RIMKLB: variants seen among roughly 807,000 people sequenced by gnomAD.
RIMKLB encodes the protein beta-citrylglutamate synthase B.
In RIMKLB, 7 loss-of-function variants were observed where a neutral mutation model predicts 32.0. That is an observed-to-expected ratio of 0.22 (90% CI 0.12 to 0.41). The LOEUF is 0.41. Ranked by LOEUF, RIMKLB falls within the 10% of genes least tolerant of loss-of-function variation. The pLI is 1.00. For synonymous variants in RIMKLB, 172 were observed against 185.1 expected, an observed-to-expected ratio of 0.93 and a Z score of 0.57; for missense variants, 289 against 498.7, an observed-to-expected ratio of 0.58 and a Z score of 4.00.
intron 5 of RIMKLB, among the ~76,000 whole-genome samples, chr12:8,761,134 G>A (rs559673074): frequency 2.1e-3 from 313 of 152,002 alleles, no homozygotes; most frequent in Non-Finnish European, 3.3e-3. Flanking sequence ...CCTTGAGCTC[G>A]GGAGTTTGAG....
chr12:8,696,656 A>T (rs188628669), upstream of RIMKLB, among the ~76,000 whole-genome samples: 2 of 152,306 alleles, frequency 1.3e-5, no homozygotes, highest in Admixed American at 6.5e-5. Context: ...TGGAACCATA[A>T]ATCCAATCCG....
At position 8,727,111 on chromosome 12, in the gene RIMKLB, ATTTCT is replaced by A. The variant is rs1400354569; in HGVS notation, c.175+13074_175+13078del. On this transcript the variant is annotated intron_variant, in intron 2 of 5. Coordinates refer to ENST00000535829, the MANE Select transcript of RIMKLB (RefSeq NM_001297776.2). Reference sequence around the variant, plus strand: ...GTCCCTGAGATCATTGCTGTTATTCATTTCTTTTAAGTGTTATATGTAACTGTATG... The same window carrying A: ...GTCCCTGAGATCATTGCTGTTATTCATTTAAGTGTTATATGTAACTGTATG... Among the ~76,000 whole-genome samples the A allele has an allele frequency of 4.6e-5, 7 of 152,150 alleles. No homozygotes were observed. In the South Asian group the frequency reaches 1.0e-3, roughly 23 times the overall value.
At chr12:8,747,829 T>A (rs1948234381) in intron 2 of RIMKLB, among the ~76,000 whole-genome samples, 1 of 151,970 alleles carries the variant, frequency 6.6e-6, no homozygotes, top group Non-Finnish European at 1.5e-5. Flanking sequence ...AATCTCAGTT[T>A]ACTGCAACCT....
At chr12:8,754,549 ATCC>A (rs1233830210) in intron 5 of RIMKLB, among the ~76,000 whole-genome samples, 1 of 152,036 alleles carries the variant, frequency 6.6e-6, no homozygotes, top group East Asian at 1.9e-4. Flanking sequence ...TTGGGTTTTT[ATCC>A]TCCTCTTCTC....
upstream of RIMKLB, among the ~76,000 whole-genome samples, chr12:8,677,628 A>G (rs1444558034): frequency 1.3e-5 from 2 of 152,060 alleles, no homozygotes; most frequent in Non-Finnish European, 2.9e-5. Context: ...AAAAACTATA[A>G]AGACTCTTCA....
At chr12:8,731,263 A>ATTTTTTTTTTTTTTT (rs1297729403) in intron 2 of RIMKLB, among the ~76,000 whole-genome samples, 1 of 150,346 alleles carries the variant, frequency 6.7e-6, no homozygotes, top group East Asian at 2.0e-4. Flanking sequence ...CACCCAGCTA[A>ATTTTTTTTTTTTTTT]TTTTTTGTAT....
At position 8,714,044 on chromosome 12, in the gene RIMKLB, A is replaced by T; in HGVS notation, c.175+3A>T. ...GACAATCGAGCAAGGAAACCTGGGT[A>T]AGTCTGTATACTAAGTGATCTTTTG... On this transcript the variant is annotated splice_donor_region_variant and intron_variant, in intron 2 of 5. Coordinates refer to ENST00000535829, the MANE Select transcript of RIMKLB (RefSeq NM_001297776.2). 2 of 1,613,384 alleles carry T rather than the reference A, an allele frequency of 1.2e-6. No individual in the cohort carries two copies. Among genetic ancestry groups the T allele is most frequent in the Non-Finnish European group, 1.7e-6 (2 of 1,179,448 alleles).
chr12:8,672,037 A>G, the RIMKLB span, among the ~76,000 whole-genome samples: 1 of 152,204 alleles, frequency 6.6e-6, no homozygotes, highest in Non-Finnish European at 1.5e-5. Flanking sequence ...TCTCAAGTTT[A>G]AATTTCCACA....
chr12:8,757,470 C>CAAAAAAAAAAAATAAAAA (rs1949139572), intron 5 of RIMKLB, among the ~76,000 whole-genome samples: 3 of 71,416 alleles, frequency 4.2e-5, no homozygotes, highest in African/African-American at 1.5e-4. Context: ...GACCCTGTCT[C>CAAAAAAAAAAAATAAAAA]AAAAAAAAAA....
intron 2 of RIMKLB, among the ~76,000 whole-genome samples, chr12:8,718,709 G>A (rs775839089): frequency 1.4e-5 from 2 of 146,010 alleles, no homozygotes; most frequent in East Asian, 2.0e-4. Context: ...GTGTGTGTGT[G>A]TATAATCATT....
intron 1 of RIMKLB, among the ~76,000 whole-genome samples, chr12:8,710,784 T>C (rs781454027): frequency 6.6e-6 from 1 of 152,174 alleles, no homozygotes; most frequent in East Asian, 1.9e-4. Context: ...CTGACTGCTA[T>C]TGGGGCAGCA....
chr12:8,684,685 G>A (rs989762031), intron 1 of RIMKLB, among the ~76,000 whole-genome samples: 11 of 152,152 alleles, frequency 7.2e-5, no homozygotes, highest in Admixed American at 1.3e-4. Context: ...GGAGGGCAGT[G>A]GCACAGTCTC....
intron 2 of RIMKLB, among the ~76,000 whole-genome samples, chr12:8,717,756 C>G (rs780244544): frequency 2.0e-5 from 3 of 152,194 alleles, no homozygotes; most frequent in African/African-American, 7.2e-5. Context: ...CATCTTCTAA[C>G]GTACTGTAGT....
chr12:8,705,466 G>A (rs1433147313), intron 1 of RIMKLB, among the ~76,000 whole-genome samples: 1 of 125,466 alleles, frequency 8.0e-6, no homozygotes, highest in Admixed American at 8.8e-5. Context: ...GACAGATTGA[G>A]ACTCCATCTC....
intron 1 of RIMKLB, among the ~76,000 whole-genome samples, chr12:8,689,344 T>G (rs1430754273): frequency 2.0e-5 from 3 of 152,226 alleles, no homozygotes; most frequent in Admixed American, 6.5e-5. Context: ...AAAAGAGACG[T>G]CCTCGTTGGG....
At chr12:8,698,961 C>A (rs11046849) in intron 1 of RIMKLB, among the ~76,000 whole-genome samples, 28,737 of 146,706 alleles carry the variant, frequency 0.2, 3,042 homozygotes, top group East Asian at 0.4. Context: ...CACCCCCCCC[C>A]AAAAAAAACC....
intron 2 of RIMKLB, among the ~76,000 whole-genome samples, chr12:8,718,669 ATGTGTGTGTGTG>A (rs1182850325): frequency 4.0e-4 from 47 of 116,204 alleles, no homozygotes; most frequent in African/African-American, 9.2e-4. Context: ...ATATATATAT[ATGTGTGTGTGTG>A]TGTGTGTGTG....
intron 5 of RIMKLB, among the ~76,000 whole-genome samples, chr12:8,766,521 A>G (rs1228305787): frequency 1.3e-5 from 2 of 152,090 alleles, no homozygotes; most frequent in East Asian, 3.9e-4. Flanking sequence ...GGATTGAGAT[A>G]GAGTCTTTTT....
downstream of RIMKLB, chr12:8,779,697 G>A (rs988703629): frequency 6.6e-6 from 1 of 152,202 alleles, no homozygotes; most frequent in East Asian, 1.9e-4. Flanking sequence ...GCTATTTCTA[G>A]TTCATTTACT....
Sources: allele counts gnomAD v4.1 joint callset (sites outside exome capture counted in the v4.1 genomes callset), GRCh38; gene constraint gnomAD v4.1.1; transcripts MANE v1.5; gene names NCBI Gene and HGNC (gene_info 2026-07-23, HGNC 2026-07-21).